Variants in MBD5 observed in about 807,000 individuals in gnomAD.
The protein encoded by MBD5 is methyl-CpG binding domain protein 5.
In MBD5, 13 loss-of-function variants were observed where a neutral mutation model predicts 117.3. The observed-to-expected ratio is 0.11, with a 90% CI of 0.07 to 0.18. The LOEUF (loss-of-function observed/expected upper bound fraction) is 0.18, where lower values mean the gene tolerates loss of function less well. Ranked by LOEUF, MBD5 falls within the 10% of genes least tolerant of loss-of-function variation. The pLI is 1.00. For missense variants in MBD5, 1,879 were observed against 2,093.8 expected, an observed-to-expected ratio of 0.90 and a Z score of 2.00; for synonymous variants, 727 against 766.4, an observed-to-expected ratio of 0.95 and a Z score of 0.85.
intron 3 of MBD5, among the ~76,000 whole-genome samples, chr2:148,307,326 C>G (rs995899088): frequency 6.6e-6 from 1 of 152,100 alleles, no homozygotes; most frequent in Admixed American, 6.5e-5. Flanking sequence ...ATTATGAGCT[C>G]TATTTTTTTA....
Position 148,425,182 on chromosome 2 carries a change from TA to T in MBD5, c.-556-33013del, listed in dbSNP as rs958675022. On this transcript the variant is annotated intron_variant, in intron 4 of 13. Transcript: ENST00000642680. ...AGAGAGAAGAATCAACTAGACACAA[TA>T]AAAAAAATGATAAAGGGAATATCAC... Among the ~76,000 whole-genome samples the T allele has an allele frequency of 4.6e-5, 7 of 150,926 alleles. No individual in the cohort carries two copies. In the East Asian group the frequency reaches 7.8e-4, roughly 17 times the overall value.
At chr2:148,358,982 C>T (rs557250627) in intron 4 of MBD5, among the ~76,000 whole-genome samples, 57 of 151,848 alleles carry the variant, frequency 3.8e-4, no homozygotes, top group Non-Finnish European at 7.4e-4. Flanking sequence ...AGTCTTTTGA[C>T]GGGGTGTGGT....
chr2:148,090,057 C>A (rs1325666190), intron 1 of MBD5, among the ~76,000 whole-genome samples: 29 of 151,942 alleles, frequency 1.9e-4, no homozygotes, highest in Admixed American at 1.9e-3. Flanking sequence ...ACTATGAACA[C>A]CTTTACACGC....
intron 1 of MBD5, among the ~76,000 whole-genome samples, chr2:148,128,126 A>G (rs1321498659): frequency 6.6e-6 from 1 of 152,032 alleles, no homozygotes; most frequent in African/African-American, 2.4e-5. Flanking sequence ...GACTCTGGAT[A>G]TTAAACCTTG....
rs545414175 is a variant in MBD5, at chr2:148,109,768, T to C, written c.-924-68932T>C. Among the ~76,000 whole-genome samples, 7 of 152,284 alleles carry C rather than the reference T, an allele frequency of 4.6e-5. No individual in the cohort carries two copies. In the South Asian group the frequency reaches 1.2e-3, roughly 27 times the overall value. ...TTGGGAAAGTGGCTTGGGATGATTT[T>C]CAAAACATTCTCATTTTGCTTATTT... On this transcript the variant is annotated intron_variant, in intron 1 of 13. Coordinates refer to ENST00000642680, the MANE Select transcript of MBD5 (RefSeq NM_001378120.1).
chr2:148,257,595 G>A (rs1700620314), intron 3 of MBD5, among the ~76,000 whole-genome samples: 1 of 152,140 alleles, frequency 6.6e-6, no homozygotes, highest in African/African-American at 2.4e-5. Context: ...GCCACAAGAG[G>A]GATGCCACCA....
intron 4 of MBD5, among the ~76,000 whole-genome samples, chr2:148,434,293 A>G (rs1276532623): frequency 6.6e-6 from 1 of 151,434 alleles, no homozygotes; most frequent in Non-Finnish European, 1.5e-5. Context: ...CAACTGTTCT[A>G]CCTATCCTAT....
intron 5 of MBD5, among the ~76,000 whole-genome samples, chr2:148,459,825 T>G (rs542833510): frequency 8.5e-5 from 13 of 152,316 alleles, no homozygotes; most frequent in African/African-American, 2.9e-4. Flanking sequence ...GTCCTGAGTT[T>G]GTTTGCTTGT....
chr2:148,349,314 A>AT (rs1174664057), intron 4 of MBD5, among the ~76,000 whole-genome samples: 1 of 151,952 alleles, frequency 6.6e-6, no homozygotes, highest in Non-Finnish European at 1.5e-5. Context: ...GGAGTTATGA[A>AT]TTAATATATG....
At chr2:148,348,752 G>C (rs1449974243) in intron 4 of MBD5, among the ~76,000 whole-genome samples, 2 of 151,978 alleles carry the variant, frequency 1.3e-5, no homozygotes, top group African/African-American at 4.8e-5. Context: ...TGGCTCTGTT[G>C]TGGGTTTTTT....
chr2:148,087,866 A>G (rs1695834942), intron 1 of MBD5, among the ~76,000 whole-genome samples: 1 of 152,208 alleles, frequency 6.6e-6, no homozygotes, highest in Non-Finnish European at 1.5e-5. Flanking sequence ...AACCAAGAAG[A>G]AATCTCTGAA....
chr2:148,450,004 A>G (rs1387317054), intron 4 of MBD5, among the ~76,000 whole-genome samples: 1 of 152,086 alleles, frequency 6.6e-6, no homozygotes, highest in Non-Finnish European at 1.5e-5. Flanking sequence ...CTATATAAAT[A>G]GTAGCATTTT....
At chr2:148,131,394 CA>C (rs981416227) in intron 1 of MBD5, among the ~76,000 whole-genome samples, 3 of 151,850 alleles carry the variant, frequency 2.0e-5, no homozygotes, top group African/African-American at 4.8e-5. Context: ...CTTGCATTAT[CA>C]AAAAAAATAA....
At chr2:148,115,879 G>A (rs1696625155) in intron 1 of MBD5, among the ~76,000 whole-genome samples, 1 of 151,922 alleles carries the variant, frequency 6.6e-6, no homozygotes, top group African/African-American at 2.4e-5. Context: ...GGGTCTTACT[G>A]TCACCTAGGC....
At chr2:148,275,874 T>C (rs141787271) in intron 3 of MBD5, among the ~76,000 whole-genome samples, 1 of 152,290 alleles carries the variant, frequency 6.6e-6, no homozygotes, top group East Asian at 1.9e-4. Context: ...CAGCATTTAT[T>C]GCTGTTATAA....
At chr2:148,203,895 C>T (rs1191179474) in intron 2 of MBD5, among the ~76,000 whole-genome samples, 3 of 152,178 alleles carry the variant, frequency 2.0e-5, no homozygotes, top group Admixed American at 6.5e-5. Context: ...GAGCCCTTTA[C>T]CATGGATAAA....
intron 3 of MBD5, among the ~76,000 whole-genome samples, chr2:148,272,070 T>A (rs1002596697): frequency 2.0e-5 from 3 of 152,226 alleles, no homozygotes; most frequent in Non-Finnish European, 4.4e-5. Flanking sequence ...TTATTTCACT[T>A]AACATAATTC....
rs563561654 is a variant in MBD5 at position 148,484,019 on chromosome 2, C to G, written c.3428C>G (p.Ala1143Gly). The G allele has an allele frequency of 1.3e-6, 2 of 1,550,454 alleles. No homozygotes were observed. Among genetic ancestry groups the G allele is most frequent in the South Asian group, 1.2e-5 (1 of 84,056 alleles). Residue 1143 changes from alanine (A) to glycine (G), a missense_variant, in exon 9 of 14, where the codon GCA becomes GGA. Physicochemically the swap from Ala to Gly is moderately conservative, Grantham distance 60. This residue lies in a region of MBD5 where 1,666 missense variants were observed against 1,792.2 expected (regional missense o/e 0.93). Transcript: ENST00000642680. ...TLGGTAVVSM[A>G]ETLLNISNNA... ...GGTGGGACAGCAGTGGTGTCAATGG[C>G]AGAAACATTGCTGAATATATCTAAT...
At chr2:148,329,003 T>A (rs1702557574) in intron 3 of MBD5, among the ~76,000 whole-genome samples, 1 of 152,254 alleles carries the variant, frequency 6.6e-6, no homozygotes, top group African/African-American at 2.4e-5. Context: ...ATATTTTTAA[T>A]TGAGAAAATG....
Sources: allele counts gnomAD v4.1 joint callset (sites outside exome capture counted in the v4.1 genomes callset), GRCh38; gene constraint gnomAD v4.1.1; regional missense constraint gnomAD v4.1.1; transcripts MANE v1.5; gene names NCBI Gene and HGNC (gene_info 2026-07-23, HGNC 2026-07-21).